PTPRT: variants seen among roughly 807,000 people sequenced by gnomAD.
PTPRT encodes protein tyrosine phosphatase receptor type T.
PTPRT carries 56 observed loss-of-function variants against 176.8 expected under a neutral mutation model. The ratio of observed to expected loss-of-function variants is 0.32; its 90% CI spans 0.26 to 0.40. The LOEUF (loss-of-function observed/expected upper bound fraction) is 0.40. PTPRT is among the 10% of genes least tolerant of loss of function. PTPRT has a pLI of 1.00. For synonymous variants in PTPRT, 783 were observed against 739.0 expected, an observed-to-expected ratio of 1.06 and a Z score of -0.96; for missense variants, 1,540 against 1,908.2, an observed-to-expected ratio of 0.81 and a Z score of 3.60.
At chr20:42,154,964 T>C (rs1480795159) in intron 17 of PTPRT, among the ~76,000 whole-genome samples, 1 of 152,130 alleles carries the variant, frequency 6.6e-6, no homozygotes, top group East Asian at 1.9e-4. Context: ...TGCCCTTTCA[T>C]CAGCAGGAGT....
At chr20:42,390,204 C>T (rs759754883) in intron 9 of PTPRT, among the ~76,000 whole-genome samples, 4 of 151,986 alleles carry the variant, frequency 2.6e-5, no homozygotes, top group Non-Finnish European at 2.9e-5. Flanking sequence ...AAGTTCTGGG[C>T]ATGTAATCAG....
chr20:42,646,366 C>T (rs939182580), intron 7 of PTPRT, among the ~76,000 whole-genome samples: 2 of 152,066 alleles, frequency 1.3e-5, no homozygotes, highest in African/African-American at 4.8e-5. Flanking sequence ...CACAGCCACC[C>T]CATTCCTTTT....
At chr20:42,980,620 G>A (rs1024868531) in intron 1 of PTPRT, among the ~76,000 whole-genome samples, 5 of 152,184 alleles carry the variant, frequency 3.3e-5, no homozygotes, top group Non-Finnish European at 7.3e-5. Flanking sequence ...GTGTGGTCTT[G>A]AAGGAAGGAG....
At chr20:42,572,369 C>A (rs924576600) in intron 7 of PTPRT, among the ~76,000 whole-genome samples, 1 of 152,168 alleles carries the variant, frequency 6.6e-6, no homozygotes, top group Non-Finnish European at 1.5e-5. Flanking sequence ...CTGCCCTGGC[C>A]TCTGCTGGCC....
At chr20:42,753,086 G>A (rs571940814) in intron 6 of PTPRT, among the ~76,000 whole-genome samples, 2 of 152,238 alleles carry the variant, frequency 1.3e-5, no homozygotes, top group South Asian at 2.1e-4. Context: ...TTAGCTAGAC[G>A]GACCCAGGGA....
chr20:43,124,707 T>C (rs539514367), intron 1 of PTPRT, among the ~76,000 whole-genome samples: 140 of 152,328 alleles, frequency 9.2e-4, no homozygotes, highest in African/African-American at 3.2e-3. Flanking sequence ...CAGGCACCTT[T>C]CTACATCCGT....
chr20:42,602,653 A>T (rs1569008686), intron 7 of PTPRT, among the ~76,000 whole-genome samples: 1 of 152,066 alleles, frequency 6.6e-6, no homozygotes, highest in Non-Finnish European at 1.5e-5. Context: ...TCCAGAGCAA[A>T]TACTCTTACC....
chr20:42,741,974 T>C (rs1435991527), intron 6 of PTPRT, among the ~76,000 whole-genome samples: 2 of 152,190 alleles, frequency 1.3e-5, no homozygotes, highest in Non-Finnish European at 2.9e-5. Context: ...AGTTGGTTGG[T>C]CACTTAATTA....
intron 7 of PTPRT, among the ~76,000 whole-genome samples, chr20:42,562,637 T>C (rs1034569959): frequency 6.6e-6 from 1 of 152,198 alleles, no homozygotes. Flanking sequence ...GTACCAGGGA[T>C]TTAAGCACCA....
At chr20:42,563,249 G>A (rs1166134262) in intron 7 of PTPRT, among the ~76,000 whole-genome samples, 1 of 151,934 alleles carries the variant, frequency 6.6e-6, no homozygotes, top group Non-Finnish European at 1.5e-5. Context: ...TAAAGAAGTA[G>A]CAACTGGTAA....
intron 17 of PTPRT, among the ~76,000 whole-genome samples, chr20:42,144,497 C>T (rs999155753): frequency 2.0e-5 from 3 of 151,832 alleles, no homozygotes; most frequent in African/African-American, 4.8e-5. Context: ...TGGCAACCAC[C>T]GATAAGACAG....
At chr20:42,328,006 T>C (rs971548833) in intron 11 of PTPRT, among the ~76,000 whole-genome samples, 1 of 152,118 alleles carries the variant, frequency 6.6e-6, no homozygotes, top group African/African-American at 2.4e-5. Context: ...TCTGTATATA[T>C]AATGGGATAG....
At chr20:42,665,951 G>C (rs2075309197) in intron 7 of PTPRT, among the ~76,000 whole-genome samples, 1 of 129,102 alleles carries the variant, frequency 7.7e-6, no homozygotes, top group South Asian at 3.1e-4. Flanking sequence ...TGTGGGGTGG[G>C]GGGAGGGGGA....
intron 7 of PTPRT, among the ~76,000 whole-genome samples, chr20:42,644,062 G>A (rs1046668504): frequency 2.0e-5 from 3 of 152,112 alleles, no homozygotes; most frequent in Non-Finnish European, 4.4e-5. Context: ...TGGGCCTGAA[G>A]AGACCCGCAG....
chr20:42,954,434 C>T (rs959225184), intron 1 of PTPRT, among the ~76,000 whole-genome samples: 10 of 152,274 alleles, frequency 6.6e-5, no homozygotes, highest in Admixed American at 5.9e-4. Flanking sequence ...CATCCCAGCA[C>T]CTCTTATCAC....
chr20:42,317,175 C>T (rs77270621), intron 11 of PTPRT, among the ~76,000 whole-genome samples: 10,537 of 152,232 alleles, frequency 0.069, 607 homozygotes, highest in African/African-American at 0.16. Flanking sequence ...ATCGGATAAA[C>T]AGCGATTGCC....
intron 17 of PTPRT, among the ~76,000 whole-genome samples, chr20:42,149,730 C>A (rs989229469): frequency 4.0e-4 from 61 of 152,294 alleles, no homozygotes; most frequent in Middle Eastern, 3.4e-3. Context: ...GACCCAGAAA[C>A]TTTTTAAGAG....
chr20:42,263,450 G>A (rs1214625368), intron 13 of PTPRT, among the ~76,000 whole-genome samples: 27 of 139,702 alleles, frequency 1.9e-4, no homozygotes, highest in African/African-American at 8.6e-5. Flanking sequence ...GCATGATCTC[G>A]GCTCGCTGCA....
At chr20:42,637,510 A>G (rs988255099) in intron 7 of PTPRT, among the ~76,000 whole-genome samples, 1 of 152,164 alleles carries the variant, frequency 6.6e-6, no homozygotes, top group Admixed American at 6.5e-5. Flanking sequence ...AGATCTTCAA[A>G]GGGCTTGCTA....
Sources: allele counts gnomAD v4.1 joint callset (sites outside exome capture counted in the v4.1 genomes callset), GRCh38; gene constraint gnomAD v4.1.1; transcripts MANE v1.5; gene names NCBI Gene and HGNC (gene_info 2026-07-23, HGNC 2026-07-21).